RBPJ: variants seen among roughly 807,000 people sequenced by gnomAD.
RBPJ encodes the protein recombination signal binding protein for immunoglobulin kappa J region, also known as recombining binding protein suppressor of hairless.
RBPJ carries 9 observed loss-of-function variants against 67.8 expected under a neutral mutation model. That is an observed-to-expected ratio of 0.13 (90% CI 0.08 to 0.23). RBPJ has a LOEUF of 0.23. Among genes scored for constraint, RBPJ ranks in the 10% least tolerant of loss-of-function variants. The pLI is 1.00. For missense variants in RBPJ, 305 were observed against 595.6 expected (o/e 0.51, Z 5.08); for synonymous variants, 198 against 203.3 (o/e 0.97, Z 0.22).
chr4:26,284,153 G>T (rs1721380186), intron 1 of RBPJ, among the ~76,000 whole-genome samples: 1 of 152,100 alleles, frequency 6.6e-6, no homozygotes, highest in African/African-American at 2.4e-5. Flanking sequence ...ATGTTATACT[G>T]CCTGACTACA....
chr4:26,191,039 C>T (rs932684360), intron 1 of RBPJ, among the ~76,000 whole-genome samples: 3 of 147,488 alleles, frequency 2.0e-5, no homozygotes, highest in African/African-American at 5.0e-5. Context: ...GTGGTTCTAG[C>T]GACTCAGGAG....
chr4:26,335,480 T>C (rs1724717760), intron 1 of RBPJ, among the ~76,000 whole-genome samples: 1 of 150,342 alleles, frequency 6.7e-6, no homozygotes, highest in South Asian at 2.1e-4. Flanking sequence ...GTGCCCGGCC[T>C]GCATCCATTA....
chr4:26,308,885 A>G (rs1383144448), intron 1 of RBPJ, among the ~76,000 whole-genome samples: 3 of 152,234 alleles, frequency 2.0e-5, no homozygotes, highest in East Asian at 1.9e-4. Context: ...AACATAGGCC[A>G]GAGAAGAAAA....
intron 1 of RBPJ, chr4:26,368,186 G>A (rs1273031201): frequency 6.6e-6 from 1 of 152,146 alleles, no homozygotes; most frequent in African/African-American, 2.4e-5. Flanking sequence ...ACAGATGTGT[G>A]CAGGCATACA....
chr4:26,426,531 C>G (rs996690975), intron 7 of RBPJ, among the ~76,000 whole-genome samples: 18 of 152,192 alleles, frequency 1.2e-4, no homozygotes, highest in African/African-American at 4.3e-4. Flanking sequence ...GACAGGAATT[C>G]TGACATGCAA....
chr4:26,258,026 A>G (rs1417262922), intron 1 of RBPJ, among the ~76,000 whole-genome samples: 3 of 152,246 alleles, frequency 2.0e-5, no homozygotes, highest in African/African-American at 7.2e-5. Context: ...TTCTGCAGAA[A>G]GAGGCAGACA....
At chr4:26,211,858 C>T (rs1718435396) in intron 1 of RBPJ, among the ~76,000 whole-genome samples, 1 of 152,100 alleles carries the variant, frequency 6.6e-6, no homozygotes, top group African/African-American at 2.4e-5. Context: ...TGAGATCATA[C>T]TGGAGTACAG....
intron 1 of RBPJ, among the ~76,000 whole-genome samples, chr4:26,205,975 TGAGTA>T (rs201787315): frequency 0.056 from 8,042 of 143,310 alleles, 240 homozygotes; most frequent in African/African-American, 0.081. Context: ...TCTGTTGAGT[TGAGTA>T]AATATGATAT....
chr4:26,203,450 C>G (rs913024816), intron 1 of RBPJ, among the ~76,000 whole-genome samples: 4 of 152,152 alleles, frequency 2.6e-5, no homozygotes, highest in African/African-American at 9.7e-5. Flanking sequence ...TGTCCCTTTG[C>G]CAGCTTTATT....
chr4:26,286,037 G>GGCTGCAGTGGGCTATGATCGTGCC (rs1553857223), intron 1 of RBPJ, among the ~76,000 whole-genome samples: 1 of 133,910 alleles, frequency 7.5e-6, no homozygotes, highest in Non-Finnish European at 1.6e-5. Context: ...AGGAATTCAA[G>GGCTGCAGTGGGCTATGATCGTGCC]GCTGCAGTGC....
chr4:26,259,747 C>T (rs779435005), intron 1 of RBPJ, among the ~76,000 whole-genome samples: 7 of 152,166 alleles, frequency 4.6e-5, no homozygotes, highest in Non-Finnish European at 8.8e-5. Flanking sequence ...AACCATTGGT[C>T]CTCTTCAGTT....
chr4:26,362,082 T>G (rs1021107911), intron 1 of RBPJ, among the ~76,000 whole-genome samples: 8 of 152,180 alleles, frequency 5.3e-5, no homozygotes, highest in Non-Finnish European at 1.0e-4. Context: ...CAGTTTCCTT[T>G]TAGACAGGTG....
At chr4:26,211,358 T>C (rs1291317991) in intron 1 of RBPJ, among the ~76,000 whole-genome samples, 5 of 152,118 alleles carry the variant, frequency 3.3e-5, no homozygotes, top group Non-Finnish European at 7.3e-5. Context: ...CTCCAGGGAA[T>C]TGGAAAGTAT....
chr4:26,260,900 A>G (rs1720508275), intron 1 of RBPJ, among the ~76,000 whole-genome samples: 1 of 152,146 alleles, frequency 6.6e-6, no homozygotes, highest in Non-Finnish European at 1.5e-5. Context: ...TATGCTGTTC[A>G]TGTGATACTG....
At chr4:26,176,163 C>G (rs951310902) in intron 1 of RBPJ, among the ~76,000 whole-genome samples, 3 of 152,192 alleles carry the variant, frequency 2.0e-5, no homozygotes, top group African/African-American at 7.2e-5. Context: ...GTTTGTTTAT[C>G]TAACATTTCA....
At chr4:26,132,372 G>C in the RBPJ span, among the ~76,000 whole-genome samples, 1 of 152,232 alleles carries the variant, frequency 6.6e-6, no homozygotes, top group African/African-American at 2.4e-5. Flanking sequence ...CTTGGACCTT[G>C]AGCCTAATTA....
intron 2 of RBPJ, among the ~76,000 whole-genome samples, chr4:26,400,205 A>G (rs34207896): frequency 1.3e-5 from 2 of 152,032 alleles, no homozygotes; most frequent in African/African-American, 2.4e-5. Flanking sequence ...TACCACTGAA[A>G]TTTTTTGGGT....
At chr4:26,308,200 C>T (rs983887530) in intron 1 of RBPJ, among the ~76,000 whole-genome samples, 2 of 151,876 alleles carry the variant, frequency 1.3e-5, no homozygotes, top group African/African-American at 4.8e-5. Context: ...GGCGTGAGCC[C>T]GGGAGGCGGA....
chr4:26,234,654 C>T (rs138185613), intron 1 of RBPJ, among the ~76,000 whole-genome samples: 1 of 152,128 alleles, frequency 6.6e-6, no homozygotes, highest in East Asian at 1.9e-4. Context: ...TAGTTAATTA[C>T]ATAATTTTGT....
Sources: allele counts gnomAD v4.1 joint callset (sites outside exome capture counted in the v4.1 genomes callset), GRCh38; gene constraint gnomAD v4.1.1; transcripts MANE v1.5; gene names NCBI Gene and HGNC (gene_info 2026-07-23, HGNC 2026-07-21).